Variants in PTPRM observed in about 807,000 individuals in gnomAD.
PTPRM encodes the protein protein tyrosine phosphatase receptor type M.
Under a neutral mutation model 186.7 loss-of-function variants are expected in PTPRM, and 47 were observed. The ratio of observed to expected loss-of-function variants is 0.25; its 90% CI spans 0.20 to 0.32. PTPRM has a LOEUF of 0.32. Ranked by LOEUF, PTPRM falls within the 10% of genes least tolerant of loss-of-function variation. The probability of loss-of-function intolerance (pLI) is 1.00; values close to 1 mark genes in which losing one functional copy is unlikely to be tolerated. For synonymous variants in PTPRM, 668 were observed against 674.9 expected, an observed-to-expected ratio of 0.99 and a Z score of 0.16; for missense variants, 1,494 against 1,865.0, an observed-to-expected ratio of 0.80 and a Z score of 3.66.
At chr18:8,317,868 A>C (rs1445475488) in intron 21 of PTPRM, among the ~76,000 whole-genome samples, 1 of 152,200 alleles carries the variant, frequency 6.6e-6, no homozygotes, top group Non-Finnish European at 1.5e-5. Context: ...GCCCTCGGAC[A>C]TATAGTATGG....
At position 7,625,798 on chromosome 18, in the gene PTPRM, G is replaced by A. The variant is rs28570370; in HGVS notation, c.73+57907G>A. On this transcript the variant is annotated intron_variant, in intron 1 of 32. Coordinates refer to ENST00000580170, the MANE Select transcript of PTPRM (RefSeq NM_001105244.2). ...GATCCGCCCGCCTCGGCCTCCCACAGTGCTGGGATTACAGGCGTGAGCAAC... is the reference window on the plus strand; with the variant it reads ...GATCCGCCCGCCTCGGCCTCCCACAATGCTGGGATTACAGGCGTGAGCAAC... 7.2e-3 allele frequency among the ~76,000 whole-genome samples: 1,097 copies of A among 152,366 alleles called. 7 individuals are homozygous for A. The highest frequency in any genetic ancestry group is 0.025 in the African/African-American group (1,055 of 41,576).
At chr18:8,052,445 G>A (rs1413390014) in intron 7 of PTPRM, among the ~76,000 whole-genome samples, 28 of 152,046 alleles carry the variant, frequency 1.8e-4, no homozygotes. Flanking sequence ...TGTTTCTGTT[G>A]CCTACAACAT....
At chr18:8,204,562 G>T (rs2093900255) in intron 14 of PTPRM, among the ~76,000 whole-genome samples, 1 of 152,014 alleles carries the variant, frequency 6.6e-6, no homozygotes, top group African/African-American at 2.4e-5. Context: ...ATTCCACCTT[G>T]AAGGGAGATG....
intron 1 of PTPRM, among the ~76,000 whole-genome samples, chr18:7,748,477 G>A (rs1378164709): frequency 1.3e-5 from 2 of 152,156 alleles, no homozygotes; most frequent in African/African-American, 2.4e-5. Flanking sequence ...TGACAGTGAC[G>A]ATGAGGACTG....
chr18:7,600,000 TTGGTGTAAAGTCAGTTG>T (rs1262201876), intron 1 of PTPRM, among the ~76,000 whole-genome samples: 4 of 152,286 alleles, frequency 2.6e-5, no homozygotes, highest in Admixed American at 2.0e-4. Context: ...GCACCCTGCT[TTGGTGTAAAGTCAGTTG>T]CTCTCTTAGC....
chr18:8,393,779 TTTGTTG>T lies in PTPRM; in HGVS notation c.4209-676_4209-671del, dbSNP rs71356214. Reference sequence around the variant, plus strand: ...AGATAAATAATGAAATGCCAATGGATTTGTTGTTGTTGTTGTTGTTGTTGTTTGAGA... The same window carrying T: ...AGATAAATAATGAAATGCCAATGGATTTGTTGTTGTTGTTGTTGTTTGAGA... On this transcript the variant is annotated intron_variant, in intron 31 of 32. Coordinates refer to ENST00000580170, the MANE Select transcript of PTPRM (RefSeq NM_001105244.2). Among the ~76,000 whole-genome samples the T allele has an allele frequency of 9.6e-3, 1,456 of 151,050 alleles. 12 individuals are homozygous for T. Among genetic ancestry groups the T allele is most frequent in the African/African-American group, 0.026 (1,086 of 41,150 alleles).
intron 1 of PTPRM, among the ~76,000 whole-genome samples, chr18:7,694,665 G>T (rs919301328): frequency 6.6e-6 from 1 of 151,886 alleles, no homozygotes; most frequent in Non-Finnish European, 1.5e-5. Flanking sequence ...GACCTTAGGC[G>T]ATCCACACAC....
At chr18:8,000,822 A>T (rs2083826071) in intron 7 of PTPRM, among the ~76,000 whole-genome samples, 1 of 152,204 alleles carries the variant, frequency 6.6e-6, no homozygotes, top group African/African-American at 2.4e-5. Flanking sequence ...AAGTCAAGAA[A>T]GTAGCTTTTA....
At chr18:8,207,037 G>A (rs1265578655) in intron 14 of PTPRM, among the ~76,000 whole-genome samples, 1 of 152,172 alleles carries the variant, frequency 6.6e-6, no homozygotes, top group Non-Finnish European at 1.5e-5. Context: ...GGCTCTACCA[G>A]CATCTGGATT....
In PTPRM at chr18:8,235,397, T is replaced by C. The variant is rs370837312; in HGVS notation, c.2301-8661T>C. Among the ~76,000 whole-genome samples the C allele has an allele frequency of 2.0e-5, 3 of 151,776 alleles. No homozygotes were observed. The East Asian group carries it at 5.8e-4, about 29-fold the overall frequency. ...AATATTCTTTATTATCCTTTTAATG[T>C]CCATGGGATCTGTAATAATGTCCCC... On this transcript the variant is annotated intron_variant, in intron 14 of 32. Coordinates refer to ENST00000580170, the MANE Select transcript of PTPRM (RefSeq NM_001105244.2).
chr18:8,125,805 C>T (rs1047687253), intron 13 of PTPRM, among the ~76,000 whole-genome samples: 2 of 151,506 alleles, frequency 1.3e-5, no homozygotes, highest in African/African-American at 2.4e-5. Context: ...GTTCATAATA[C>T]AGAAATGATT....
chr18:8,389,531 A>G (rs572020546), intron 31 of PTPRM, among the ~76,000 whole-genome samples: 1 of 151,434 alleles, frequency 6.6e-6, no homozygotes, highest in African/African-American at 2.4e-5. Context: ...ATCTCTTCCC[A>G]TTTTCCACTG....
intron 7 of PTPRM, among the ~76,000 whole-genome samples, chr18:7,960,538 A>G (rs889125123): frequency 5.3e-5 from 8 of 151,000 alleles, no homozygotes; most frequent in African/African-American, 1.7e-4. Context: ...ACTGCTTGAT[A>G]CTAGGAGTTT....
At chr18:7,715,580 T>G (rs572069325) in intron 1 of PTPRM, among the ~76,000 whole-genome samples, 11 of 152,244 alleles carry the variant, frequency 7.2e-5, no homozygotes, top group Admixed American at 3.3e-4. Context: ...TCTGTTTGCA[T>G]ATGACATGAT....
chr18:7,981,058 C>A (rs2147442878), intron 7 of PTPRM, among the ~76,000 whole-genome samples: 1 of 152,254 alleles, frequency 6.6e-6, no homozygotes, highest in Non-Finnish European at 1.5e-5. Flanking sequence ...AGCCTTAGCA[C>A]TTTCATTTTC....
intron 7 of PTPRM, among the ~76,000 whole-genome samples, chr18:8,027,891 CCT>C (rs1486259985): frequency 6.6e-6 from 1 of 152,184 alleles, no homozygotes; most frequent in Non-Finnish European, 1.5e-5. Flanking sequence ...AGCCCCAGCC[CCT>C]GTCTTCTGTC....
chr18:7,728,164 C>T (rs1054687430), intron 1 of PTPRM, among the ~76,000 whole-genome samples: 1 of 152,164 alleles, frequency 6.6e-6, no homozygotes, highest in Middle Eastern at 3.2e-3. Flanking sequence ...AATGTGACTT[C>T]TGATTCATAC....
chr18:7,705,279 T>C (rs62089835), intron 1 of PTPRM, among the ~76,000 whole-genome samples: 105 of 146,600 alleles, frequency 7.2e-4, no homozygotes, highest in East Asian at 8.2e-4. Context: ...AAATATCTAT[T>C]TATCTATCTA....
intron 14 of PTPRM, among the ~76,000 whole-genome samples, chr18:8,178,494 C>T (rs1044308099): frequency 2.0e-5 from 3 of 152,078 alleles, no homozygotes; most frequent in African/African-American, 7.2e-5. Flanking sequence ...TTAAAATTGG[C>T]TTTGATGGGC....
Sources: gnomAD v4.1 joint callset for allele counts (sites outside exome capture counted in the v4.1 genomes callset) on GRCh38, gnomAD v4.1.1 for gene constraint, MANE v1.5 for transcripts, NCBI Gene and HGNC (gene_info 2026-07-23, HGNC 2026-07-21) for gene names.